SYN3: variants seen among roughly 807,000 people sequenced by gnomAD.
The protein encoded by SYN3 is synapsin-3.
A neutral mutation model predicts 65.8 loss-of-function variants in SYN3; 35 were observed. That is an observed-to-expected ratio of 0.53 (90% CI 0.41 to 0.70). SYN3 has a LOEUF of 0.70. SYN3 is among the 30% of genes least tolerant of loss of function. The probability of loss-of-function intolerance (pLI) is 0.00; values close to 1 mark genes in which losing one functional copy is unlikely to be tolerated. For synonymous variants in SYN3, 270 were observed against 292.9 expected (o/e 0.92, Z 0.80); for missense variants, 680 against 749.0 (o/e 0.91, Z 1.08).
chr22:33,057,334 A>G (rs558929416), intron 1 of SYN3, among the ~76,000 whole-genome samples: 2 of 152,278 alleles, frequency 1.3e-5, no homozygotes, highest in South Asian at 4.2e-4. Context: ...TCGAGAGCTC[A>G]TTTCCTACCT....
intron 6 of SYN3, among the ~76,000 whole-genome samples, chr22:32,672,984 G>A (rs1219056514): frequency 1.3e-5 from 2 of 152,216 alleles, no homozygotes; most frequent in African/African-American, 2.4e-5. Flanking sequence ...TGGTTAGGAC[G>A]AAGCCCAATC....
chr22:32,738,715 G>C (rs2061364471), intron 6 of SYN3, among the ~76,000 whole-genome samples: 1 of 152,206 alleles, frequency 6.6e-6, no homozygotes, highest in African/African-American at 2.4e-5. Context: ...CAGAATAAAA[G>C]AACAGCAGGC....
At chr22:32,608,188 C>T (rs1290999031) in intron 6 of SYN3, among the ~76,000 whole-genome samples, 1 of 152,204 alleles carries the variant, frequency 6.6e-6, no homozygotes, top group Non-Finnish European at 1.5e-5. Context: ...CCACCTCAGC[C>T]TCCTGAGTAG....
At chr22:32,764,807 A>G (rs991916766) in intron 6 of SYN3, among the ~76,000 whole-genome samples, 4 of 152,208 alleles carry the variant, frequency 2.6e-5, no homozygotes, top group African/African-American at 9.7e-5. Context: ...ACATGTGTGA[A>G]CATTGCAGTG....
intron 6 of SYN3, among the ~76,000 whole-genome samples, chr22:32,711,627 T>A (rs1045147017): frequency 1.3e-5 from 2 of 152,202 alleles, no homozygotes; most frequent in African/African-American, 4.8e-5. Flanking sequence ...TCAAAATAAC[T>A]GCCTATGCCT....
chr22:33,027,984 C>T (rs983997922), intron 1 of SYN3, among the ~76,000 whole-genome samples: 48 of 152,338 alleles, frequency 3.2e-4, no homozygotes, highest in African/African-American at 1.0e-3. Context: ...ATCTAACAGA[C>T]GTGAAGGCTG....
chr22:33,013,299 G>A (rs1012106975), intron 1 of SYN3, among the ~76,000 whole-genome samples: 1 of 152,172 alleles, frequency 6.6e-6, no homozygotes, highest in Non-Finnish European at 1.5e-5. Flanking sequence ...TGAACATGCA[G>A]ACAAACATTT....
intron 6 of SYN3, among the ~76,000 whole-genome samples, chr22:32,607,447 G>T (rs978156712): frequency 6.6e-6 from 1 of 152,142 alleles, no homozygotes; most frequent in African/African-American, 2.4e-5. Context: ...GATCCTGCCT[G>T]CCTTCTTCAT....
At chr22:32,689,461 G>A (rs1425468889) in intron 6 of SYN3, among the ~76,000 whole-genome samples, 1 of 152,170 alleles carries the variant, frequency 6.6e-6, no homozygotes, top group African/African-American at 2.4e-5. Context: ...TCTGCCCAGT[G>A]ACCTTTACTC....
intron 6 of SYN3, among the ~76,000 whole-genome samples, chr22:32,832,005 T>C (rs1232332552): frequency 1.3e-5 from 2 of 152,174 alleles, no homozygotes; most frequent in African/African-American, 2.4e-5. Flanking sequence ...ATCAGCAATG[T>C]CCCACTAGTT....
At chr22:33,043,250 TA>T (rs1296279636) in intron 1 of SYN3, among the ~76,000 whole-genome samples, 12 of 152,144 alleles carry the variant, frequency 7.9e-5, no homozygotes, top group Non-Finnish European at 1.5e-4. Context: ...GCATACTGTT[TA>T]AAAGCACAAG....
rs186868528 is a variant in SYN3 at position 32,787,782 on chromosome 22, G to C, written c.711+77133C>G. Among the ~76,000 whole-genome samples the C allele has an allele frequency of 4.1e-3, 630 of 152,316 alleles. 2 individuals carry two copies. Among genetic ancestry groups the C allele is most frequent in the Non-Finnish European group, 7.1e-3 (483 of 68,030 alleles). On this transcript the variant is annotated intron_variant, in intron 6 of 13. Transcript: ENST00000358763. ...ACCCTGGGAGGCTCCAGTGACTGGG[G>C]ATGGCTGTGCTCCTCCGCTGCGGCA... is the stretch of plus-strand genomic sequence containing the variant.
chr22:32,524,426 A>T (rs1238681138), intron 12 of SYN3, among the ~76,000 whole-genome samples: 1 of 152,224 alleles, frequency 6.6e-6, no homozygotes, highest in Non-Finnish European at 1.5e-5. Flanking sequence ...GCCCTTAAGA[A>T]TGATGCTAAA....
At chr22:33,028,640 A>ATGATGGTGGTGGTGGTGG (rs1569413321) in intron 1 of SYN3, among the ~76,000 whole-genome samples, 1 of 80,862 alleles carries the variant, frequency 1.2e-5, no homozygotes, top group East Asian at 6.4e-4. Flanking sequence ...AATAAGAACC[A>ATGATGGTGGTGGTGGTGG]TGATGGTGGT....
chr22:32,709,306 T>C (rs1476666107), intron 6 of SYN3, among the ~76,000 whole-genome samples: 1 of 152,184 alleles, frequency 6.6e-6, no homozygotes, highest in East Asian at 1.9e-4. Flanking sequence ...AAACCAAGAA[T>C]AGGAACCAAT....
intron 6 of SYN3, among the ~76,000 whole-genome samples, chr22:32,827,413 T>C (rs971513458): frequency 2.6e-5 from 4 of 152,218 alleles, no homozygotes; most frequent in African/African-American, 9.6e-5. Context: ...CAGTTCCAAA[T>C]ACCCTGGTGC....
chr22:32,792,879 A>AAG (rs2046352833), intron 6 of SYN3, among the ~76,000 whole-genome samples: 1 of 152,192 alleles, frequency 6.6e-6, no homozygotes, highest in South Asian at 2.1e-4. Flanking sequence ...AGTCTTCAGG[A>AAG]AGAGTGCTGG....
At chr22:32,781,373 G>A (rs991322249) in intron 6 of SYN3, among the ~76,000 whole-genome samples, 1 of 152,098 alleles carries the variant, frequency 6.6e-6, no homozygotes, top group Non-Finnish European at 1.5e-5. Flanking sequence ...AGATGATGGT[G>A]GTTAAGGACA....
At chr22:32,606,595 G>A (rs1430544622) in intron 6 of SYN3, among the ~76,000 whole-genome samples, 2 of 152,018 alleles carry the variant, frequency 1.3e-5, no homozygotes, top group Non-Finnish European at 2.9e-5. Context: ...GGCTCTGTGT[G>A]GTCTGACCCC....
Sources: allele counts gnomAD v4.1 joint callset (sites outside exome capture counted in the v4.1 genomes callset), GRCh38; gene constraint gnomAD v4.1.1; transcripts MANE v1.5; gene names NCBI Gene and HGNC (gene_info 2026-07-23, HGNC 2026-07-21).